The following DCHS2 variants were observed in gnomAD, a reference collection of about 807,000 sequenced individuals.
DCHS2 encodes the protein dachsous cadherin-related 2.
A neutral mutation model predicts 182.4 loss-of-function variants in DCHS2; 142 were observed. The ratio of observed to expected loss-of-function variants is 0.78; its 90% CI spans 0.68 to 0.89. The LOEUF (loss-of-function observed/expected upper bound fraction) is 0.89, where lower values mean the gene tolerates loss of function less well. Among genes scored for constraint, DCHS2 ranks in the 40% least tolerant of loss-of-function variants. The probability of loss-of-function intolerance (pLI) is 0.00; values close to 1 mark genes in which losing one functional copy is unlikely to be tolerated. For missense variants in DCHS2, 4,319 were observed against 4,198.6 expected (o/e 1.03, Z -0.79); for synonymous variants, 1,740 against 1,663.3 (o/e 1.05, Z -1.12).
Position 154,321,177 on chromosome 4 carries a change from T to G in DCHS2, c.4222A>C (p.Arg1408=), listed in dbSNP as rs556331183. 1.5e-5 allele frequency: 23 copies of G among 1,578,054 alleles called. No homozygotes were observed. The highest frequency in any genetic ancestry group is 2.0e-5 in the Non-Finnish European group (23 of 1,159,570). ...KGRAIMSQNI[R]HLIIPENLKP... ...AAATTTTCTGGTATAATTAAATGTC[T>G]AATATTCTGAGACATGATTGCTCTC... Residue 1408 remains arginine, a synonymous_variant, in exon 9 of 20, where the codon AGA becomes CGA. Coordinates refer to ENST00000357232, the MANE Select transcript of DCHS2 (RefSeq NM_001358235.2).
chr4:154,283,097 T>C (rs1175422011), intron 13 of DCHS2, among the ~76,000 whole-genome samples: 1 of 152,144 alleles, frequency 6.6e-6, no homozygotes, highest in East Asian at 1.9e-4. Flanking sequence ...ATCTGTTGTG[T>C]AACAATGTGC....
intron 1 of DCHS2, among the ~76,000 whole-genome samples, chr4:154,420,256 GA>G (rs1386113520): frequency 1.1e-4 from 16 of 147,228 alleles, no homozygotes; most frequent in African/African-American, 4.0e-4. Context: ...CAGATAGATA[GA>G]TAGATAGATA....
At chr4:154,380,095 G>A (rs4696557) in intron 1 of DCHS2, among the ~76,000 whole-genome samples, 70,532 of 151,926 alleles carry the variant, frequency 0.46, 17,635 homozygotes, top group East Asian at 0.7. Flanking sequence ...TATCTGACCC[G>A]AAATGTTAGT....
chr4:154,444,439 T>C (rs1273607663), intron 1 of DCHS2, among the ~76,000 whole-genome samples: 1 of 152,180 alleles, frequency 6.6e-6, no homozygotes, highest in Admixed American at 6.5e-5. Flanking sequence ...ACAGTCTGTC[T>C]GGCATTGCCC....
chr4:154,416,223 G>A (rs1732827031), intron 1 of DCHS2, among the ~76,000 whole-genome samples: 1 of 152,096 alleles, frequency 6.6e-6, no homozygotes, highest in Non-Finnish European at 1.5e-5. Flanking sequence ...CCCAGAGACG[G>A]GGGACAGGAT....
At chr4:154,244,427 G>A (rs925912966) in intron 16 of DCHS2, among the ~76,000 whole-genome samples, 1 of 152,138 alleles carries the variant, frequency 6.6e-6, no homozygotes, top group Non-Finnish European at 1.5e-5. Flanking sequence ...TGAACACGAT[G>A]AAGGCTAGGA....
intron 1 of DCHS2, among the ~76,000 whole-genome samples, chr4:154,442,561 A>C (rs1734084780): frequency 1.0e-5 from 1 of 99,452 alleles, no homozygotes; most frequent in Non-Finnish European, 1.9e-5. Context: ...ACACACACAC[A>C]CCAGGACATT....
intron 1 of DCHS2, among the ~76,000 whole-genome samples, chr4:154,402,274 A>T (rs1732217128): frequency 6.6e-6 from 1 of 152,178 alleles, no homozygotes; most frequent in Non-Finnish European, 1.5e-5. Context: ...CACTCTCTTG[A>T]TTAATATAGC....
At chr4:154,447,542 T>G (rs1734353568) in intron 1 of DCHS2, among the ~76,000 whole-genome samples, 1 of 152,216 alleles carries the variant, frequency 6.6e-6, no homozygotes, top group African/African-American at 2.4e-5. Context: ...GTTTTTGATA[T>G]TTTGAAAAAT....
rs529056195 is a variant in DCHS2, at chr4:154,252,520, A to G, written c.6941+2999T>C. 4.0e-5 allele frequency among the ~76,000 whole-genome samples: 6 copies of G among 150,856 alleles called. No individual in the cohort carries two copies. In the East Asian group the frequency reaches 9.8e-4, roughly 25 times the overall value. On this transcript the variant is annotated intron_variant, in intron 16 of 19. Transcript: ENST00000357232. ...CCCAGCCTCTGGTAACCATCCTTCTACTCCCTATCTGCTTGAGTTCATTTG... is the reference window on the plus strand; with the variant it reads ...CCCAGCCTCTGGTAACCATCCTTCTGCTCCCTATCTGCTTGAGTTCATTTG...
Position 154,236,434 on chromosome 4 carries a change from C to T in DCHS2, c.8218G>A (p.Val2740Ile), listed in dbSNP as rs758331295. ...YEKMTKFTLTVQASDAEKKHF... is the reference protein window; with the variant it reads ...YEKMTKFTLTIQASDAEKKHF... ...TTCTTTTCTGCATCTGAAGCTTGGA[C>T]AGTTAAGGTGAATTTTGTCATTTTT... Residue 2740 changes from valine (V) to isoleucine (I), a missense_variant, in exon 20 of 20, where the codon GTC becomes ATC. Physicochemically the swap from Val to Ile is conservative, Grantham distance 29. Coordinates refer to ENST00000357232, the MANE Select transcript of DCHS2 (RefSeq NM_001358235.2). 6.2e-6 allele frequency: 10 copies of T among 1,613,960 alleles called. No individual in the cohort carries two copies. The highest frequency in any genetic ancestry group is 1.7e-5 in the Admixed American group (1 of 59,988).
intron 1 of DCHS2, among the ~76,000 whole-genome samples, chr4:154,440,960 G>A (rs527488511): frequency 7.9e-5 from 12 of 152,284 alleles, no homozygotes; most frequent in Admixed American, 6.5e-4. Flanking sequence ...TGTGCAAAAG[G>A]CATACACATA....
intron 13 of DCHS2, among the ~76,000 whole-genome samples, chr4:154,271,726 G>A (rs1733606070): frequency 6.6e-6 from 1 of 152,060 alleles, no homozygotes; most frequent in African/African-American, 2.4e-5. Flanking sequence ...TGCCTGCCTT[G>A]TTTTGTAAAA....
At position 154,331,539 on chromosome 4, in the gene DCHS2, G is replaced by A. The variant is rs188537757; in HGVS notation, c.3730+939C>T. The A allele has an allele frequency of 4.5e-6, 7 of 1,561,892 alleles. No individual in the cohort carries two copies. In the East Asian group the frequency reaches 1.2e-4, roughly 26 times the overall value. On this transcript the variant is annotated intron_variant, in intron 5 of 19. Coordinates refer to ENST00000357232, the MANE Select transcript of DCHS2 (RefSeq NM_001358235.2). Reference sequence around the variant, plus strand: ...AGGCAGCTTGCAACCTTCTTGGCAAGCCATGTGCCCTGTGAAAACCCTCCA... The same window carrying A: ...AGGCAGCTTGCAACCTTCTTGGCAAACCATGTGCCCTGTGAAAACCCTCCA...
chr4:154,414,798 C>T (rs1414962242), intron 1 of DCHS2, among the ~76,000 whole-genome samples: 1 of 152,010 alleles, frequency 6.6e-6, no homozygotes, highest in African/African-American at 2.4e-5. Context: ...AAAATGAGAC[C>T]TTGCTCACCT....
rs912180932 is a variant in DCHS2 at position 154,490,990 on chromosome 4, G to C, written c.366C>G (p.Thr122=). 1.3e-6 allele frequency: 2 copies of C among 1,550,388 alleles called. No individual in the cohort carries two copies. Among genetic ancestry groups the C allele is most frequent in the Non-Finnish European group, 1.7e-6 (2 of 1,146,304 alleles). The change falls in exon 1 of 20, where the codon ACC becomes ACG. Residue 122 remains threonine (T), a synonymous_variant. Coordinates refer to ENST00000357232, the MANE Select transcript of DCHS2 (RefSeq NM_001358235.2). ...LLDDFHVHPD[T]GIIRTARRLD... ...GGCGCCGCGCAGTGCGGATGATGCC[G>C]GTGTCCGGGTGCACGTGGAAGTCGT...
chr4:154,455,919 G>A (rs1188621681), intron 1 of DCHS2, among the ~76,000 whole-genome samples: 6 of 151,952 alleles, frequency 3.9e-5, no homozygotes, highest in East Asian at 1.9e-4. Context: ...GTGAAACCCC[G>A]TCTCTATTAA....
At chr4:154,382,211 G>T (rs1456285582) in intron 1 of DCHS2, among the ~76,000 whole-genome samples, 1 of 152,024 alleles carries the variant, frequency 6.6e-6, no homozygotes, top group Non-Finnish European at 1.5e-5. Context: ...TGGTGCTGGG[G>T]TAGCTGGCTA....
intron 1 of DCHS2, among the ~76,000 whole-genome samples, chr4:154,439,502 A>C (rs1733912565): frequency 6.6e-6 from 1 of 152,188 alleles, no homozygotes; most frequent in Non-Finnish European, 1.5e-5. Flanking sequence ...TGCATTGGCT[A>C]TATCAATATT....
Sources: allele counts gnomAD v4.1 joint callset (sites outside exome capture counted in the v4.1 genomes callset), GRCh38; gene constraint gnomAD v4.1.1; transcripts MANE v1.5; gene names NCBI Gene and HGNC (gene_info 2026-07-23, HGNC 2026-07-21).